The following IGF1 variants were observed in gnomAD, a reference collection of about 807,000 sequenced individuals.
IGF1 encodes insulin-like growth factor 1.
A neutral mutation model predicts 13.8 loss-of-function variants in IGF1; 4 were observed. The ratio of observed to expected loss-of-function variants is 0.29; its 90% CI spans 0.14 to 0.66. The LOEUF is 0.66. Among genes scored for constraint, IGF1 ranks in the 30% least tolerant of loss-of-function variants. IGF1 has a pLI of 0.78. For synonymous variants in IGF1, 76 were observed against 72.6 expected (o/e 1.05, Z -0.23); for missense variants, 124 against 188.5 (o/e 0.66, Z 2.00).
intron 3 of IGF1, among the ~76,000 whole-genome samples, chr12:102,406,682 C>T (rs547489109): frequency 3.9e-5 from 6 of 152,218 alleles, no homozygotes; most frequent in East Asian, 1.9e-4. Flanking sequence ...TGGACAGACA[C>T]GCATATTTAG....
intron 2 of IGF1, among the ~76,000 whole-genome samples, chr12:102,445,476 G>A (rs1461972432): frequency 6.6e-6 from 1 of 152,082 alleles, no homozygotes; most frequent in Non-Finnish European, 1.5e-5. Context: ...TGGATTCCTA[G>A]GTATTTTATT....
At chr12:102,412,982 A>G (rs1240701772) in intron 3 of IGF1, among the ~76,000 whole-genome samples, 1 of 152,224 alleles carries the variant, frequency 6.6e-6, no homozygotes, top group Non-Finnish European at 1.5e-5. Context: ...GCCTTTAGGG[A>G]TGACAGAAAA....
At chr12:102,465,194 T>C (rs1880214701) in intron 2 of IGF1, among the ~76,000 whole-genome samples, 1 of 152,228 alleles carries the variant, frequency 6.6e-6, no homozygotes, top group South Asian at 2.1e-4. Context: ...CAGATTATAA[T>C]TGTTGCCTAA....
At chr12:102,457,094 C>T (rs1477271112) in intron 2 of IGF1, among the ~76,000 whole-genome samples, 2 of 152,292 alleles carry the variant, frequency 1.3e-5, no homozygotes, top group Admixed American at 1.3e-4. Flanking sequence ...GAATTCAAGG[C>T]TTTTCAGGGT....
chr12:102,476,782 G>C (rs1362764050), intron 1 of IGF1, among the ~76,000 whole-genome samples: 12 of 152,206 alleles, frequency 7.9e-5, no homozygotes, highest in Admixed American at 6.5e-4. Context: ...CTTAGTCAAT[G>C]ATAGACTGCC....
At chr12:102,478,712 G>T in intron 1 of IGF1, 2 of 1,235,288 alleles carry the variant, frequency 1.6e-6, no homozygotes, top group South Asian at 4.9e-5. Flanking sequence ...TTGCACAGCT[G>T]GGATTTAAGT....
intron 3 of IGF1, chr12:102,417,619 C>A: frequency 7.5e-7 from 1 of 1,328,346 alleles, no homozygotes; most frequent in Non-Finnish European, 9.5e-7. Flanking sequence ...CTTTCTAGGG[C>A]ATTACATTTT....
intron 3 of IGF1, chr12:102,417,928 C>A: frequency 6.2e-7 from 1 of 1,613,872 alleles, no homozygotes. Flanking sequence ...TCCTTCTGTT[C>A]CCCTCCTGGA....
In IGF1 at chr12:102,433,421, C is replaced by G. The variant is rs148228175; in HGVS notation, c.221-13731G>C. On this transcript the variant is annotated intron_variant, in intron 2 of 3. Coordinates refer to ENST00000337514, the MANE Select transcript of IGF1 (RefSeq NM_000618.5). Reference sequence around the variant, plus strand: ...GAACTCAACAGTTCAAGGATAATTGCTCAGAGAAATTGTTGAAGTCTCAGT... The same window carrying G: ...GAACTCAACAGTTCAAGGATAATTGGTCAGAGAAATTGTTGAAGTCTCAGT... Among the ~76,000 whole-genome samples the G allele has an allele frequency of 2.1e-4, 32 of 152,314 alleles. No homozygotes were observed. In the East Asian group the frequency reaches 5.8e-3, roughly 28 times the overall value.
intron 2 of IGF1, among the ~76,000 whole-genome samples, chr12:102,453,493 T>G (rs892928958): frequency 6.6e-6 from 1 of 152,194 alleles, no homozygotes; most frequent in Admixed American, 6.5e-5. Context: ...TACAGAGGAA[T>G]ATGATGCCAA....
chr12:102,461,192 C>A (rs541880611), intron 2 of IGF1, among the ~76,000 whole-genome samples: 4 of 152,286 alleles, frequency 2.6e-5, no homozygotes, highest in Non-Finnish European at 5.9e-5. Context: ...TCTCACTTTA[C>A]CTGCCCTGCT....
chr12:102,457,725 T>C (rs1879535270), intron 2 of IGF1, among the ~76,000 whole-genome samples: 1 of 152,204 alleles, frequency 6.6e-6, no homozygotes, highest in Non-Finnish European at 1.5e-5. Flanking sequence ...CCAGGAAGAA[T>C]AAGAGAAAAA....
Position 102,415,618 on chromosome 12 carries a change from C to T in IGF1, c.402+3891G>A, listed in dbSNP as rs1875077787. 3.4e-5 allele frequency: 5 copies of T among 145,274 alleles called. No individual in the cohort carries two copies. In the South Asian group the frequency reaches 9.7e-4, roughly 28 times the overall value. 9.0% of individuals were successfully genotyped at this position (145,274 alleles called of 1,614,324 possible). ...TCCTTCCCTCCCTCCCTCCCTCCTT[C>T]CTTCCTTCTTCTCTCTGTCTTTGCC... On this transcript the variant is annotated intron_variant, in intron 3 of 3. Transcript: ENST00000337514.
chr12:102,477,997 CTTTTTTTT>C (rs66470486), intron 1 of IGF1, among the ~76,000 whole-genome samples: 11 of 127,534 alleles, frequency 8.6e-5, no homozygotes, highest in African/African-American at 2.5e-4. Context: ...TTCTCTTTTT[CTTTTTTTT>C]TTTTTTTGCT....
rs556765704 is a variant in IGF1 at position 102,464,800 on chromosome 12, T to C, written c.220+10843A>G. On this transcript the variant is annotated intron_variant, in intron 2 of 3. Coordinates refer to ENST00000337514, the MANE Select transcript of IGF1 (RefSeq NM_000618.5). ...TAAGAAAACAGTTTGGATGTACAAC[T>C]TGAGAGTGCGAAGATACTTTTTCTG... 3.3e-5 allele frequency among the ~76,000 whole-genome samples: 5 copies of C among 152,326 alleles called. No homozygotes were observed. The East Asian group carries it at 9.6e-4, about 29-fold the overall frequency.
At chr12:102,413,523 T>C (rs1874820479) in intron 3 of IGF1, among the ~76,000 whole-genome samples, 1 of 152,168 alleles carries the variant, frequency 6.6e-6, no homozygotes, top group Non-Finnish European at 1.5e-5. Context: ...AGTGCACACA[T>C]TAGAAGCTGT....
rs1368866003 is a variant in IGF1 at position 102,475,779 on chromosome 12, G to A, written c.84C>T (p.Ser28=). ...GCGCCAGGTAGAAGAGATGCGAGGAGGACATGGTGTGCATCTTCACCTGCC... is the reference window on the plus strand; with the variant it reads ...GCGCCAGGTAGAAGAGATGCGAGGAAGACATGGTGTGCATCTTCACCTGCC... The part of the protein sequence containing the change: ...DFLKVKMHTM[S]SSHLFYLALC... The change falls in exon 2 of 4, where the codon TCC becomes TCT. Residue 28 remains serine (S), a synonymous_variant. Coordinates refer to ENST00000337514, the MANE Select transcript of IGF1 (RefSeq NM_000618.5). 2.5e-6 allele frequency: 4 copies of A among 1,613,752 alleles called. No individual in the cohort carries two copies. Among genetic ancestry groups the A allele is most frequent in the Non-Finnish European group, 3.4e-6 (4 of 1,179,900 alleles).
intron 2 of IGF1, among the ~76,000 whole-genome samples, chr12:102,459,954 G>C (rs937166491): frequency 2.0e-5 from 3 of 152,100 alleles, no homozygotes; most frequent in Non-Finnish European, 4.4e-5. Flanking sequence ...AATATCCAAC[G>C]AGATCTTGCA....
At chr12:102,480,595 A>T (rs1417209694), upstream of IGF1, 1 of 1,404,104 alleles carries the variant, frequency 7.1e-7, no homozygotes, top group Non-Finnish European at 9.3e-7. Context: ...ACATTTATCT[A>T]CAAAACACAG....
Sources: gnomAD v4.1 joint callset for allele counts (sites outside exome capture counted in the v4.1 genomes callset) on GRCh38, gnomAD v4.1.1 for gene constraint, MANE v1.5 for transcripts, NCBI Gene and HGNC (gene_info 2026-07-23, HGNC 2026-07-21) for gene names.